Variants in ME3 observed in about 807,000 individuals in gnomAD.
ME3 encodes the protein NADP-dependent malic enzyme, mitochondrial.
Under a neutral mutation model 68.9 loss-of-function variants are expected in ME3, and 48 were observed. The observed-to-expected ratio is 0.70, with a 90% confidence interval of 0.55 to 0.89. ME3 has a LOEUF of 0.89. Ranked by LOEUF, ME3 falls within the 40% of genes least tolerant of loss-of-function variation. The pLI is 0.00. For missense variants in ME3, 675 were observed against 797.4 expected, an observed-to-expected ratio of 0.85 and a Z score of 1.85; for synonymous variants, 320 against 318.8, an observed-to-expected ratio of 1.00 and a Z score of -0.04.
At chr11:86,660,380 G>C (rs1027319473) in intron 2 of ME3, among the ~76,000 whole-genome samples, 1 of 152,202 alleles carries the variant, frequency 6.6e-6, no homozygotes. Flanking sequence ...GAAGCTTTAG[G>C]ATGTGCATTA....
intron 2 of ME3, among the ~76,000 whole-genome samples, chr11:86,610,274 G>C (rs897107344): frequency 1.3e-5 from 2 of 151,952 alleles, no homozygotes; most frequent in African/African-American, 4.8e-5. Flanking sequence ...TAGATGATTG[G>C]TATATGGATA....
chr11:86,634,944 A>G (rs1283887488), intron 2 of ME3, among the ~76,000 whole-genome samples: 1 of 152,166 alleles, frequency 6.6e-6, no homozygotes, highest in Non-Finnish European at 1.5e-5. Context: ...AGAACCTCTA[A>G]ATGGTAATTC....
At chr11:86,487,487 G>GTTTT in intron 6 of ME3, 47 bp from the exon 7 acceptor site, 3 of 1,168,790 alleles carry the variant, frequency 2.6e-6, no homozygotes, top group Non-Finnish European at 3.6e-6. Flanking sequence ...CGGTGTTCCT[G>GTTTT]TTTTTTTTTT....
chr11:86,462,713 C>CTTA, intron 8 of ME3: 1 of 638,612 alleles, frequency 1.6e-6, no homozygotes, highest in Non-Finnish European at 2.5e-6. Context: ...TGGTTCTTGC[C>CTTA]TCCAGAAGCT....
intron 2 of ME3, among the ~76,000 whole-genome samples, chr11:86,616,242 C>T (rs1432824923): frequency 6.6e-6 from 1 of 152,104 alleles, no homozygotes; most frequent in Non-Finnish European, 1.5e-5. Flanking sequence ...CTAAATGTTT[C>T]ATTATCATAA....
intron 7 of ME3, among the ~76,000 whole-genome samples, chr11:86,470,319 T>G (rs1950716181): frequency 6.6e-6 from 1 of 152,044 alleles, no homozygotes; most frequent in African/African-American, 2.4e-5. Context: ...AAAACCCACA[T>G]GCAAGACTTC....
At chr11:86,664,796 T>A (rs1308501430) in intron 2 of ME3, among the ~76,000 whole-genome samples, 1 of 152,210 alleles carries the variant, frequency 6.6e-6, no homozygotes, top group Non-Finnish European at 1.5e-5. Flanking sequence ...ATTGTCCTTG[T>A]CCACCTCTGG....
intron 4 of ME3, among the ~76,000 whole-genome samples, chr11:86,521,425 A>AAAATAATAATAATAATAATAAT (rs754170121): frequency 2.3e-3 from 267 of 118,180 alleles, no homozygotes; most frequent in African/African-American, 5.5e-3. Context: ...AAACAAAACA[A>AAAATAATAATAATAATAATAAT]AACAAAAATA....
At chr11:86,621,577 T>C (rs375426322) in intron 2 of ME3, among the ~76,000 whole-genome samples, 21 of 152,180 alleles carry the variant, frequency 1.4e-4, no homozygotes, top group African/African-American at 5.1e-4. Flanking sequence ...CCATTCTTTT[T>C]CTTTCCTTCC....
At chr11:86,560,746 G>GTATA (rs1456434091) in intron 2 of ME3, among the ~76,000 whole-genome samples, 22 of 90,256 alleles carry the variant, frequency 2.4e-4, no homozygotes, top group Non-Finnish European at 2.8e-4. Flanking sequence ...GTGTGTGTGT[G>GTATA]TGTATATATA....
chr11:86,648,815 G>C (rs1466438332), intron 2 of ME3, among the ~76,000 whole-genome samples: 2 of 152,156 alleles, frequency 1.3e-5, no homozygotes, highest in African/African-American at 4.8e-5. Flanking sequence ...TTCTGAAATT[G>C]AGGCAGTAAT....
At position 86,512,778 on chromosome 11, in the gene ME3, T is replaced by G. The variant is rs151057089; in HGVS notation, c.468-3911A>C. The stretch of plus-strand genomic sequence containing the variant: ...AGTGGGGCAGGGTAGGTATTTGAAT[T>G]AACTTACTCATAAGGTTTGAGAGCA... On this transcript the variant is annotated intron_variant, in intron 4 of 14. Transcript: ENST00000543262. 7.2e-3 allele frequency among the ~76,000 whole-genome samples: 1,092 copies of G among 152,284 alleles called. 12 individuals are homozygous for G. Among genetic ancestry groups the G allele is most frequent in the African/African-American group, 0.025 (1,051 of 41,554 alleles).
At chr11:86,524,277 A>G (rs1453773743) in intron 4 of ME3, among the ~76,000 whole-genome samples, 2 of 152,238 alleles carry the variant, frequency 1.3e-5, no homozygotes, top group Non-Finnish European at 2.9e-5. Context: ...CAAACCTGCG[A>G]TTCTGAAATT....
chr11:86,554,242 G>C (rs925503229), intron 4 of ME3, among the ~76,000 whole-genome samples: 2 of 152,150 alleles, frequency 1.3e-5, no homozygotes, highest in Admixed American at 6.5e-5. Flanking sequence ...TGGAGTGAGG[G>C]CTTCCACACA....
At chr11:86,580,005 G>T (rs1958347485) in intron 2 of ME3, among the ~76,000 whole-genome samples, 1 of 152,122 alleles carries the variant, frequency 6.6e-6, no homozygotes, top group Non-Finnish European at 1.5e-5. Flanking sequence ...ACATTGAGTT[G>T]TTTTCTTTGT....
At chr11:86,586,352 G>C (rs923402036) in intron 2 of ME3, among the ~76,000 whole-genome samples, 10 of 152,144 alleles carry the variant, frequency 6.6e-5, no homozygotes, top group Admixed American at 6.5e-5. Flanking sequence ...ACTGTGGTGG[G>C]GTCCGAGGGG....
At chr11:86,477,708 A>C (rs1180612132) in intron 7 of ME3, among the ~76,000 whole-genome samples, 1 of 151,774 alleles carries the variant, frequency 6.6e-6, no homozygotes, top group African/African-American at 2.4e-5. Context: ...TTCTTCCAGC[A>C]CATTTTGGCC....
chr11:86,622,156 C>A (rs977965854), intron 2 of ME3, among the ~76,000 whole-genome samples: 3 of 151,944 alleles, frequency 2.0e-5, no homozygotes, highest in Non-Finnish European at 4.4e-5. Context: ...TTCCAGATAC[C>A]TTTCATGGAT....
chr11:86,540,141 C>T (rs527321917), intron 4 of ME3, among the ~76,000 whole-genome samples: 1 of 152,360 alleles, frequency 6.6e-6, no homozygotes, highest in East Asian at 1.9e-4. Context: ...CTGTCCCATC[C>T]TGTGGAACAC....
Sources: gnomAD v4.1 joint callset for allele counts (sites outside exome capture counted in the v4.1 genomes callset) on GRCh38, gnomAD v4.1.1 for gene constraint, MANE v1.5 for transcripts, NCBI Gene and HGNC (gene_info 2026-07-23, HGNC 2026-07-21) for gene names.